PIEZO2: variants seen among roughly 807,000 people sequenced by gnomAD.
The protein encoded by PIEZO2 is piezo type mechanosensitive ion channel component 2, also known as piezo-type mechanosensitive ion channel component 2.
In PIEZO2, 172 loss-of-function variants were observed where a neutral mutation model predicts 337.3. That is an observed-to-expected ratio of 0.51 (90% CI 0.45 to 0.58). PIEZO2 has a LOEUF of 0.58. Ranked by LOEUF, PIEZO2 falls within the 20% of genes least tolerant of loss-of-function variation. The pLI is 0.00. For missense variants in PIEZO2, 3,028 were observed against 3,391.3 expected (o/e 0.89, Z 2.66); for synonymous variants, 1,251 against 1,228.5 (o/e 1.02, Z -0.38).
intron 7 of PIEZO2, among the ~76,000 whole-genome samples, chr18:10,817,753 C>T (rs1459254471): frequency 6.6e-6 from 1 of 151,916 alleles, no homozygotes; most frequent in Non-Finnish European, 1.5e-5. Context: ...GAAACCCAGT[C>T]TCTACTAAAA....
At chr18:11,041,333 T>C (rs7235865) in intron 2 of PIEZO2, among the ~76,000 whole-genome samples, 31,354 of 152,066 alleles carry the variant, frequency 0.21, 3,736 homozygotes, top group African/African-American at 0.33. Context: ...TCAAGAGCCC[T>C]AAGGATAAAG....
intron 21 of PIEZO2, among the ~76,000 whole-genome samples, chr18:10,769,367 A>T (rs2038500542): frequency 6.6e-6 from 1 of 152,234 alleles, no homozygotes; most frequent in Non-Finnish European, 1.5e-5. Context: ...GTTCTAGTTT[A>T]GACTATGGAG....
At chr18:11,004,039 G>A (rs1344657416) in intron 2 of PIEZO2, among the ~76,000 whole-genome samples, 1 of 152,182 alleles carries the variant, frequency 6.6e-6, no homozygotes, top group Non-Finnish European at 1.5e-5. Context: ...CCTGAGAAGG[G>A]GTAGGGAGTA....
At chr18:10,706,062 C>G (rs2035573281) in intron 40 of PIEZO2, among the ~76,000 whole-genome samples, 1 of 152,146 alleles carries the variant, frequency 6.6e-6, no homozygotes, top group Non-Finnish European at 1.5e-5. Context: ...GTTCCAGAGT[C>G]TGTTGCCATA....
intron 43 of PIEZO2, 74 bp from the exon 44 acceptor site, chr18:10,699,251 CT>C (rs1598372232): frequency 2.0e-6 from 3 of 1,510,404 alleles, no homozygotes; most frequent in African/African-American, 2.8e-5. Context: ...CTTACAAAAT[CT>C]CATCCAACAA....
intron 32 of PIEZO2, among the ~76,000 whole-genome samples, chr18:10,741,753 TGG>T (rs1310912197): frequency 6.6e-6 from 1 of 152,170 alleles, no homozygotes; most frequent in African/African-American, 2.4e-5. Context: ...TAGGTACCAA[TGG>T]TCAGGTGCCA....
In PIEZO2 at chr18:10,815,409, T is replaced by G. The variant is rs929106852; in HGVS notation, c.918-8135A>C. Among the ~76,000 whole-genome samples the G allele has an allele frequency of 6.6e-6, 1 of 152,174 alleles. No homozygotes were observed. Among genetic ancestry groups the G allele is most frequent in the Admixed American group, 6.5e-5 (1 of 15,284 alleles). The stretch of plus-strand genomic sequence containing the variant: ...AGCCTCAATTTCCTCATTTGGAAAA[T>G]GAGGCTAGTAAATAACGTATCTCAA... On this transcript the variant is annotated intron_variant, in intron 7 of 55. Transcript: ENST00000674853. The surrounding 1 kb of genome is among the most constrained non-coding windows in gnomAD (Gnocchi z 4.1).
rs139537539 is a variant in PIEZO2, at chr18:10,973,291, C to T, written c.286+6244G>A. Among the ~76,000 whole-genome samples the T allele has an allele frequency of 2.5e-3, 386 of 152,326 alleles. 2 individuals carry two copies. Among genetic ancestry groups the T allele is most frequent in the African/African-American group, 8.7e-3 (360 of 41,572 alleles). On this transcript the variant is annotated intron_variant, in intron 3 of 55. Coordinates refer to ENST00000674853, the MANE Select transcript of PIEZO2 (RefSeq NM_001378183.1). The surrounding 1 kb of genome is among the most constrained non-coding windows in gnomAD (Gnocchi z 4.9). ...CAGTAAAAACAATGTGTATTCATTA[C>T]TCCAAGAGCGTTGACTCCATCAGAT...
chr18:10,897,484 C>T (rs986092625), intron 4 of PIEZO2, among the ~76,000 whole-genome samples: 12 of 152,200 alleles, frequency 7.9e-5, no homozygotes, highest in African/African-American at 1.7e-4. Flanking sequence ...CCACCACACC[C>T]GGCCCAGATC....
Position 11,001,830 on chromosome 18 carries a change from A to G in PIEZO2, c.161-22170T>C, listed in dbSNP as rs1455265653. 6.6e-6 allele frequency among the ~76,000 whole-genome samples: 1 copy of G among 151,876 alleles called. No individual in the cohort carries two copies. Among genetic ancestry groups the G allele is most frequent in the Non-Finnish European group, 1.5e-5 (1 of 68,006 alleles). Reference sequence around the variant, plus strand: ...GAGGCAGAGGTTGCAGTGAGCTCAGATTGCACCACTGTACTCCAGCCTGGG... The same window carrying G: ...GAGGCAGAGGTTGCAGTGAGCTCAGGTTGCACCACTGTACTCCAGCCTGGG... On this transcript the variant is annotated intron_variant, in intron 2 of 55. Transcript: ENST00000674853. The surrounding 1 kb of genome is among the most constrained non-coding windows in gnomAD (Gnocchi z 5.3).
chr18:11,138,196 C>T (rs1255379030), intron 1 of PIEZO2, among the ~76,000 whole-genome samples: 1 of 152,182 alleles, frequency 6.6e-6, no homozygotes, highest in Non-Finnish European at 1.5e-5. Flanking sequence ...GTGTTATAGT[C>T]CTTGCTGGGT....
rs375712282 is a variant in PIEZO2, at chr18:10,809,363, C to T, written c.918-2089G>A. ...TCGGCTCACTGCAACCTCCGCCTCC[C>T]GGGTTCAAGCAATTCTTCTGCCTCA... On this transcript the variant is annotated intron_variant, in intron 7 of 55. Coordinates refer to ENST00000674853, the MANE Select transcript of PIEZO2 (RefSeq NM_001378183.1). Among the ~76,000 whole-genome samples the T allele has an allele frequency of 1.1e-3, 157 of 147,420 alleles. 2 individuals are homozygous for T. The East Asian group carries it at 0.018, about 17-fold the overall frequency.
In PIEZO2 at chr18:10,673,208, T is replaced by G. The variant is rs1035497899; in HGVS notation, c.8162-335A>C. On this transcript the variant is annotated intron_variant, in intron 54 of 55. Coordinates refer to ENST00000674853, the MANE Select transcript of PIEZO2 (RefSeq NM_001378183.1). This position sits in a 1 kb window ranked among gnomAD's most constrained non-coding sequence, Gnocchi z 4.8. ...ACATTTAAAAACCCAAATTTCTGAC[T>G]TGTGATCAAATCAACCAGTCCATTC... Among the ~76,000 whole-genome samples the G allele has an allele frequency of 6.6e-6, 1 of 152,210 alleles. No individual in the cohort carries two copies. The highest frequency in any genetic ancestry group is 2.4e-5 in the African/African-American group (1 of 41,450).
At position 10,780,364 on chromosome 18, in the gene PIEZO2, T is replaced by A. The variant is rs778080225; in HGVS notation, c.2495A>T (p.His832Leu). Residue 832 changes from histidine (H) to leucine (L), a missense_variant and splice_region_variant, in exon 18 of 56, where the codon CAT becomes CTT. His to Leu is a moderately conservative substitution (Grantham distance 99, BLOSUM62 -3). Transcript: ENST00000674853. ...PSKEDNTIYS[H>L]AKVNGRVYLI... ...ATATACGCGACCATTGACTTTGGCA[T>A]GGCTACGAGGTGGCAGACGGAAGCA... 2 of 702,976 alleles carry A rather than the reference T, an allele frequency of 2.8e-6. No homozygotes were observed. Among genetic ancestry groups the A allele is most frequent in the South Asian group, 3.0e-5 (2 of 67,598 alleles). The allele number at this position is 702,976 out of a possible 1,614,324, so 43.5% of individuals were successfully genotyped here.
intron 2 of PIEZO2, among the ~76,000 whole-genome samples, chr18:11,037,758 T>G (rs1013648334): frequency 2.6e-5 from 4 of 152,196 alleles, no homozygotes; most frequent in African/African-American, 9.6e-5. Flanking sequence ...GGTGCCTAAC[T>G]GAAGAAAAAC....
chr18:10,728,830 C>A (rs187849340), intron 36 of PIEZO2, among the ~76,000 whole-genome samples: 212 of 151,914 alleles, frequency 1.4e-3, no homozygotes, highest in Non-Finnish European at 2.3e-3. Context: ...TGGCGGGCGC[C>A]TGTAGTCCCA....
intron 7 of PIEZO2, among the ~76,000 whole-genome samples, chr18:10,838,861 C>G (rs2041102150): frequency 6.6e-6 from 1 of 152,210 alleles, no homozygotes; most frequent in South Asian, 2.1e-4. Flanking sequence ...CAAGACGTAG[C>G]TCAACACGTA....
chr18:10,762,549 G>A lies in PIEZO2; in HGVS notation c.3200C>T (p.Thr1067Ile), dbSNP rs1568029964. ...SLLYSAPIDP[T>I]EWVGLRKSSP... is the part of the protein sequence containing the mutation. ...AGACTTCCGCAGGCCGACCCACTCT[G>A]TAGGATCGATAGGAGCGCTGTAGAG... The change falls in exon 23 of 56, where the codon ACA becomes ATA. Residue 1067 changes from threonine to isoleucine, a missense_variant. Coordinates refer to ENST00000674853, the MANE Select transcript of PIEZO2 (RefSeq NM_001378183.1). 1 of 1,537,390 alleles carries A rather than the reference G, an allele frequency of 6.5e-7. No homozygotes were observed.
chr18:10,703,059 G>A (rs2143756582), intron 42 of PIEZO2, among the ~76,000 whole-genome samples: 1 of 152,190 alleles, frequency 6.6e-6, no homozygotes, highest in East Asian at 1.9e-4. Flanking sequence ...GTGCTATGTT[G>A]CCCAGGCTTG....
Sources: gnomAD v4.1 joint callset for allele counts (sites outside exome capture counted in the v4.1 genomes callset) on GRCh38, gnomAD v4.1.1 for gene constraint, Gnocchi (gnomAD v3.1) non-coding constraint, MANE v1.5 for transcripts, NCBI Gene and HGNC (gene_info 2026-07-23, HGNC 2026-07-21) for gene names.